CCDC171: variants seen among roughly 807,000 people sequenced by gnomAD.
The protein encoded by CCDC171 is coiled-coil domain-containing protein 171.
In CCDC171, 177 loss-of-function variants were observed where a neutral mutation model predicts 168.2. That is an observed-to-expected ratio of 1.05 (90% confidence interval 0.93 to 1.19). CCDC171 has a LOEUF of 1.19. Ranked by LOEUF, CCDC171 falls within the 50% of genes most tolerant of loss-of-function variation. The pLI, the probability that CCDC171 is intolerant of heterozygous loss-of-function variation, is 0.00. For missense variants in CCDC171, 1,991 were observed against 1,539.0 expected (o/e 1.29, Z -4.91); for synonymous variants, 687 against 540.8 (o/e 1.27, Z -3.75).
chr9:15,627,264 C>T (rs747851327), intron 7 of CCDC171, among the ~76,000 whole-genome samples: 4 of 152,050 alleles, frequency 2.6e-5, no homozygotes, highest in Non-Finnish European at 4.4e-5. Context: ...TTTCAAAAAA[C>T]CAACTCCTGG....
At chr9:16,022,137 C>T (rs2133023659) in intron 4 of CCDC171, among the ~76,000 whole-genome samples, 1 of 152,276 alleles carries the variant, frequency 6.6e-6, no homozygotes, top group African/African-American at 2.4e-5. Context: ...GTGATGGCTA[C>T]TCCAGCAGTG....
chr9:16,070,067 G>A, the CCDC171 span, among the ~76,000 whole-genome samples: 4 of 152,150 alleles, frequency 2.6e-5, no homozygotes, highest in African/African-American at 4.8e-5. Context: ...AAAGGGGAGC[G>A]CTCAGGGATG....
chr9:15,567,682 T>C (rs1342346023), intron 2 of CCDC171, among the ~76,000 whole-genome samples: 2 of 151,984 alleles, frequency 1.3e-5, no homozygotes, highest in Non-Finnish European at 2.9e-5. Flanking sequence ...TGAGACAAGG[T>C]CTTGCTCTGT....
Position 15,834,035 on chromosome 9 carries a change from A to G in CCDC171, c.3268-12667A>G, listed in dbSNP as rs146154251. On this transcript the variant is annotated intron_variant, in intron 21 of 25. Coordinates refer to ENST00000380701, the MANE Select transcript of CCDC171 (RefSeq NM_173550.4). ...GTATAGTATAATTACAGATATTCCAAGGTTAACTATGAAAATACTTGTTGT... is the reference window on the plus strand; with the variant it reads ...GTATAGTATAATTACAGATATTCCAGGGTTAACTATGAAAATACTTGTTGT... Among the ~76,000 whole-genome samples the G allele has an allele frequency of 1.8e-3, 268 of 152,288 alleles. 2 individuals are homozygous for G. The highest frequency in any genetic ancestry group is 5.6e-3 in the African/African-American group (234 of 41,580).
At chr9:16,045,417 A>G (rs1833645353) in intron 1 of CCDC171, among the ~76,000 whole-genome samples, 1 of 152,238 alleles carries the variant, frequency 6.6e-6, no homozygotes, top group Non-Finnish European at 1.5e-5. Flanking sequence ...TGTGAATTAC[A>G]GGAGGCTTAC....
chr9:15,951,867 A>C (rs1185807457), intron 25 of CCDC171, among the ~76,000 whole-genome samples: 1 of 152,138 alleles, frequency 6.6e-6, no homozygotes, highest in Admixed American at 6.6e-5. Flanking sequence ...AAAAATTATC[A>C]GGAAGTTCAA....
intron 1 of CCDC171, among the ~76,000 whole-genome samples, chr9:15,562,551 G>A (rs2039395621): frequency 6.6e-6 from 1 of 152,054 alleles, no homozygotes; most frequent in Non-Finnish European, 1.5e-5. Context: ...TAACTTTATT[G>A]AAACAACTTT....
intron 25 of CCDC171, among the ~76,000 whole-genome samples, chr9:15,968,429 G>T (rs552445786): frequency 9.2e-5 from 14 of 151,616 alleles, no homozygotes; most frequent in Admixed American, 8.5e-4. Flanking sequence ...AAAGTGTTAC[G>T]TATTTCTGGA....
At chr9:16,086,048 T>C in the CCDC171 span, among the ~76,000 whole-genome samples, 1 of 144,172 alleles carries the variant, frequency 6.9e-6, no homozygotes, top group Non-Finnish European at 1.5e-5. Context: ...TTTTTGTGCC[T>C]CTGTGGCTCA....
At chr9:15,595,342 C>T (rs969205184) in intron 6 of CCDC171, among the ~76,000 whole-genome samples, 2 of 152,136 alleles carry the variant, frequency 1.3e-5, no homozygotes, top group Admixed American at 1.3e-4. Context: ...TGTTCCCCTT[C>T]CTGTGTCCAT....
chr9:15,742,332 T>C (rs375518711), intron 16 of CCDC171, among the ~76,000 whole-genome samples: 6 of 152,372 alleles, frequency 3.9e-5, no homozygotes, highest in African/African-American at 1.4e-4. Flanking sequence ...CTCAGTCCTC[T>C]GTTATCTGTG....
the CCDC171 span, among the ~76,000 whole-genome samples, chr9:16,104,631 C>G: frequency 6.6e-6 from 1 of 152,152 alleles, no homozygotes; most frequent in Non-Finnish European, 1.5e-5. Flanking sequence ...ATCCATCAAT[C>G]ATTCATCCAT....
rs375040277 is a variant in CCDC171 at position 15,878,336 on chromosome 9, G to C, written c.3600+3673G>C. Among the ~76,000 whole-genome samples, 25 of 151,726 alleles carry C rather than the reference G, an allele frequency of 1.6e-4. No homozygotes were observed. In the East Asian group the frequency reaches 3.1e-3, roughly 19 times the overall value. Reference sequence around the variant, plus strand: ...GGATATGAACACATACTTTTCAAAAGAAGACATACACACAAGTTAACAGGA... The same window carrying C: ...GGATATGAACACATACTTTTCAAAACAAGACATACACACAAGTTAACAGGA... On this transcript the variant is annotated intron_variant, in intron 24 of 25. Coordinates refer to ENST00000380701, the MANE Select transcript of CCDC171 (RefSeq NM_173550.4).
At chr9:15,621,034 C>G (rs900323442) in intron 6 of CCDC171, among the ~76,000 whole-genome samples, 2 of 152,070 alleles carry the variant, frequency 1.3e-5, no homozygotes, top group African/African-American at 4.8e-5. Context: ...GGCGTGATCT[C>G]GACTCACTGC....
At chr9:15,568,972 A>T (rs1449000593) in intron 2 of CCDC171, among the ~76,000 whole-genome samples, 1 of 152,210 alleles carries the variant, frequency 6.6e-6, no homozygotes, top group Non-Finnish European at 1.5e-5. Context: ...ATCTTTGCCC[A>T]TTCCTGTGTC....
At chr9:15,678,243 C>T (rs890189322) in intron 9 of CCDC171, among the ~76,000 whole-genome samples, 1 of 151,736 alleles carries the variant, frequency 6.6e-6, no homozygotes, top group Non-Finnish European at 1.5e-5. Flanking sequence ...GAAGGCGAAT[C>T]CTTTGAAAAG....
intron 21 of CCDC171, among the ~76,000 whole-genome samples, chr9:15,823,809 A>G (rs1031299716): frequency 6.6e-6 from 1 of 152,160 alleles, no homozygotes; most frequent in African/African-American, 2.4e-5. Flanking sequence ...ACACAGATTT[A>G]AAGAGAAAGT....
intron 7 of CCDC171, among the ~76,000 whole-genome samples, chr9:15,628,516 A>G (rs2045370711): frequency 6.6e-6 from 1 of 152,212 alleles, no homozygotes; most frequent in Non-Finnish European, 1.5e-5. Context: ...AGGTAAACAA[A>G]GCAGCTGGGA....
intron 21 of CCDC171, among the ~76,000 whole-genome samples, chr9:15,786,014 C>T (rs977462961): frequency 2.0e-5 from 3 of 151,714 alleles, no homozygotes; most frequent in Middle Eastern, 3.2e-3. Context: ...GGAAAATACA[C>T]GTGAATTTAA....
Sources: gnomAD v4.1 joint callset for allele counts (sites outside exome capture counted in the v4.1 genomes callset) on GRCh38, gnomAD v4.1.1 for gene constraint, MANE v1.5 for transcripts, NCBI Gene and HGNC (gene_info 2026-07-23, HGNC 2026-07-21) for gene names.